The following ZBED4 variants were observed in gnomAD, a reference collection of about 807,000 sequenced individuals.
ZBED4 encodes zinc finger BED-type containing 4.
Under a neutral mutation model 15.5 loss-of-function variants are expected in ZBED4, and 4 were observed. That is an observed-to-expected ratio of 0.26 (90% CI 0.13 to 0.59). ZBED4 has a LOEUF of 0.59. ZBED4 is among the 20% of genes least tolerant of loss of function. The pLI is 0.90. For synonymous variants in ZBED4, 692 were observed against 608.5 expected, an observed-to-expected ratio of 1.14 and a Z score of -2.02; for missense variants, 1,323 against 1,461.8, an observed-to-expected ratio of 0.91 and a Z score of 1.55.
intron 1 of ZBED4, among the ~76,000 whole-genome samples, chr22:49,875,444 G>A (rs9616765): frequency 0.76 from 112,880 of 149,174 alleles, 44,781 homozygotes; most frequent in East Asian, 0.9. Context: ...TTTTTGAGAC[G>A]GAGTCTTGCT....
In ZBED4 at chr22:49,853,850, T is replaced by C. The variant is rs1264507423; in HGVS notation, c.-469T>C. 1 of 141,086 alleles carries C rather than the reference T, an allele frequency of 7.1e-6. No individual in the cohort carries two copies. The highest frequency in any genetic ancestry group is 2.5e-5 in the African/African-American group (1 of 39,220). The allele number at this position is 141,086 out of a possible 1,614,324, so 8.7% of individuals were successfully genotyped here. A position where few individuals can be genotyped will look rare whatever the true frequency, so the allele number is the denominator to read the frequency against. On this transcript the variant is annotated 5_prime_UTR_variant, in exon 1 of 2. Coordinates refer to ENST00000216268, the MANE Select transcript of ZBED4 (RefSeq NM_014838.3). ...GCGGGGCCCTGGGAGGGGCGCAGCG[T>C]CCGGCGGCGTCGCGGGCGGCGGGCG... is the stretch of plus-strand genomic sequence containing the variant.
At chr22:49,863,127 G>T (rs564450853) in intron 1 of ZBED4, among the ~76,000 whole-genome samples, 1 of 152,122 alleles carries the variant, frequency 6.6e-6, no homozygotes, top group Non-Finnish European at 1.5e-5. Flanking sequence ...GCATTCTTCT[G>T]GAGAGGCCCA....
chr22:49,856,731 C>T (rs4988856), intron 1 of ZBED4, among the ~76,000 whole-genome samples: 1 of 25,338 alleles, frequency 3.9e-5, no homozygotes, highest in Non-Finnish European at 2.1e-4. Context: ...GCTGGAATCC[C>T]GGCCGGCTTC....
intron 1 of ZBED4, among the ~76,000 whole-genome samples, chr22:49,871,461 C>T (rs535115604): frequency 6.6e-5 from 10 of 151,890 alleles, no homozygotes; most frequent in African/African-American, 9.7e-5. Context: ...CCAGCCTGGG[C>T]GACAGAGTGA....
chr22:49,869,660 CT>C (rs1479112966), intron 1 of ZBED4, among the ~76,000 whole-genome samples: 1 of 152,028 alleles, frequency 6.6e-6, no homozygotes, highest in Non-Finnish European at 1.5e-5. Context: ...CTTAAAATAG[CT>C]TTCATGGAAA....
chr22:49,855,105 C>T (rs1019390508), intron 1 of ZBED4, among the ~76,000 whole-genome samples: 1 of 152,074 alleles, frequency 6.6e-6, no homozygotes, highest in African/African-American at 2.4e-5. Context: ...ATTCCATACT[C>T]CGAGGGTTTC....
chr22:49,878,491 G>A (rs2060390038), intron 1 of ZBED4, among the ~76,000 whole-genome samples: 1 of 152,132 alleles, frequency 6.6e-6, no homozygotes, highest in Non-Finnish European at 1.5e-5. Flanking sequence ...AGTTACATGG[G>A]CACTTCATGG....
At chr22:49,854,631 T>G (rs1268678530) in intron 1 of ZBED4, among the ~76,000 whole-genome samples, 1 of 152,246 alleles carries the variant, frequency 6.6e-6, no homozygotes, top group Non-Finnish European at 1.5e-5. Context: ...TTTCTTCTTT[T>G]GTCCCGTTGT....
At chr22:49,883,294 T>G in intron 1 of ZBED4, 40 bp from the exon 2 acceptor site, 1 of 164,090 alleles carries the variant, frequency 6.1e-6, no homozygotes, top group Non-Finnish European at 1.3e-5. Flanking sequence ...TTAAAATGTG[T>G]GATTTAGTTC....
At chr22:49,872,638 T>G (rs1018531661) in intron 1 of ZBED4, among the ~76,000 whole-genome samples, 2 of 152,062 alleles carry the variant, frequency 1.3e-5, no homozygotes, top group Non-Finnish European at 2.9e-5. Context: ...CAAGCGAACC[T>G]CCCGTCTCAG....
At chr22:49,875,096 T>C (rs1383291734) in intron 1 of ZBED4, among the ~76,000 whole-genome samples, 2 of 152,240 alleles carry the variant, frequency 1.3e-5, no homozygotes, top group Non-Finnish European at 2.9e-5. Flanking sequence ...TAAGGATTTT[T>C]TTTCTGTGCT....
chr22:49,869,903 T>G (rs897582909), intron 1 of ZBED4, among the ~76,000 whole-genome samples: 9 of 152,220 alleles, frequency 5.9e-5, no homozygotes, highest in Non-Finnish European at 1.3e-4. Flanking sequence ...ATAAGAATGA[T>G]CGTCGCCCAG....
chr22:49,859,086 A>C (rs887926061), intron 1 of ZBED4, among the ~76,000 whole-genome samples: 1 of 152,244 alleles, frequency 6.6e-6, no homozygotes, highest in South Asian at 2.1e-4. Flanking sequence ...CTCTGCTCCC[A>C]TCAGACCTCC....
intron 1 of ZBED4, among the ~76,000 whole-genome samples, chr22:49,879,625 T>C (rs988523388): frequency 1.2e-4 from 17 of 137,970 alleles, no homozygotes; most frequent in Admixed American, 1.5e-4. Context: ...GTTTTTCTCC[T>C]GGTCAGTGTC....
chr22:49,857,205 G>A (rs73441757), intron 1 of ZBED4, among the ~76,000 whole-genome samples: 82 of 152,314 alleles, frequency 5.4e-4, no homozygotes, highest in African/African-American at 1.7e-3. Flanking sequence ...TGGTTGCTCC[G>A]TCATAGAAGC....
Position 49,883,635 on chromosome 22 carries a change from G to C in ZBED4, c.-28G>C. 4 of 1,510,888 alleles carry C rather than the reference G, an allele frequency of 2.6e-6. No individual in the cohort carries two copies. The highest frequency in any genetic ancestry group is 2.7e-6 in the Non-Finnish European group (3 of 1,122,802). The allele number at this position is 1,510,888 out of a possible 1,614,324, so 93.6% of individuals were successfully genotyped here. A position where few individuals can be genotyped will look rare whatever the true frequency, so the allele number is the denominator to read the frequency against. On this transcript the variant is annotated 5_prime_UTR_variant, in exon 2 of 2. Coordinates refer to ENST00000216268, the MANE Select transcript of ZBED4 (RefSeq NM_014838.3). ...TTGGATCAGTGTTTTATGAACCTAA[G>C]ATACAGCCGGAGTAGTTATGGTCAG...
intron 1 of ZBED4, among the ~76,000 whole-genome samples, chr22:49,854,439 T>A (rs2060266221): frequency 6.6e-6 from 1 of 152,170 alleles, no homozygotes; most frequent in Non-Finnish European, 1.5e-5. Context: ...TGGGCCCTGC[T>A]TCATGTCTCA....
At chr22:49,875,133 T>A (rs1246794998) in intron 1 of ZBED4, among the ~76,000 whole-genome samples, 1 of 152,206 alleles carries the variant, frequency 6.6e-6, no homozygotes, top group East Asian at 1.9e-4. Flanking sequence ...GTTTCTTTTA[T>A]TGTAATGTCT....
upstream of ZBED4, chr22:49,852,954 T>C (rs1355228650): frequency 2.0e-5 from 3 of 152,142 alleles, no homozygotes; most frequent in African/African-American, 7.2e-5. Flanking sequence ...GGCGTGCGGG[T>C]GAAGGGGCAC....
Sources: allele counts gnomAD v4.1 joint callset (sites outside exome capture counted in the v4.1 genomes callset), GRCh38; gene constraint gnomAD v4.1.1; transcripts MANE v1.5; gene names NCBI Gene and HGNC (gene_info 2026-07-23, HGNC 2026-07-21).